Variants in KMT5B observed in about 807,000 individuals in gnomAD.
KMT5B encodes histone-lysine N-methyltransferase KMT5B.
KMT5B carries 10 observed loss-of-function variants against 83.2 expected under a neutral mutation model. The observed-to-expected ratio is 0.12, with a 90% confidence interval of 0.07 to 0.20. The LOEUF is 0.20. KMT5B is among the 10% of genes least tolerant of loss of function. The pLI is 1.00. For synonymous variants in KMT5B, 349 were observed against 388.8 expected, an observed-to-expected ratio of 0.90 and a Z score of 1.20; for missense variants, 753 against 1,067.2, an observed-to-expected ratio of 0.71 and a Z score of 4.10.
chr11:68,179,908 C>T (rs1856752175), intron 4 of KMT5B: 1 of 521,652 alleles, frequency 1.9e-6, no homozygotes, highest in Admixed American at 3.3e-5. Context: ...GGAGTGACTC[C>T]TGATCTTTTG....
At chr11:68,168,138 A>G (rs1855496228) in intron 9 of KMT5B, among the ~76,000 whole-genome samples, 2 of 152,180 alleles carry the variant, frequency 1.3e-5, no homozygotes, top group South Asian at 4.1e-4. Context: ...ATCGAAACTT[A>G]CACAGAGCAA....
chr11:68,165,700 C>T, intron 10 of KMT5B: 1 of 1,359,504 alleles, frequency 7.4e-7, no homozygotes, highest in Non-Finnish European at 9.5e-7. Flanking sequence ...ACCAAGGAAC[C>T]AGACTCAGAA....
intron 1 of KMT5B, among the ~76,000 whole-genome samples, chr11:68,207,733 G>A (rs1238331915): frequency 6.7e-6 from 1 of 149,422 alleles, no homozygotes; most frequent in Admixed American, 6.6e-5. Context: ...AGAGGTTGTG[G>A]TGAACCAAGA....
chr11:68,158,954 C>A lies in KMT5B; in HGVS notation c.1392G>T (p.Lys464Asn), dbSNP rs766592580. 6.2e-7 allele frequency: 1 copy of A among 1,613,440 alleles called. No individual in the cohort carries two copies. The highest frequency in any genetic ancestry group is 1.1e-5 in the South Asian group (1 of 90,864). The change falls in exon 11 of 11, where the codon AAG (lysine) becomes AAT (asparagine). Residue 464 changes from lysine (K) to asparagine (N), a missense_variant. Lys to Asn is a moderately conservative substitution (Grantham distance 94, BLOSUM62 0). This residue lies in a region of KMT5B where 397 missense variants were observed against 395.9 expected (regional missense o/e 1.00). Transcript: ENST00000304363. The part of the protein sequence containing the change: ...LRNHCKRLEQ[K>N]NASRKLEMGN... ...CCATTTCGAGTTTTCTTGAAGCATTCTTTTGCTCCAGCCGCTTGCAATGAT... is the reference window on the plus strand; with the variant it reads ...CCATTTCGAGTTTTCTTGAAGCATTATTTTGCTCCAGCCGCTTGCAATGAT...
chr11:68,206,271 T>C (rs1273940905), intron 1 of KMT5B, among the ~76,000 whole-genome samples: 3 of 152,212 alleles, frequency 2.0e-5, no homozygotes, highest in East Asian at 1.9e-4. Flanking sequence ...CTGTTTTCTC[T>C]AGGACTCAAA....
intron 1 of KMT5B, among the ~76,000 whole-genome samples, chr11:68,207,898 G>C (rs1201158400): frequency 1.3e-5 from 2 of 150,566 alleles, no homozygotes; most frequent in African/African-American, 4.9e-5. Flanking sequence ...GGAGTGCAGT[G>C]GCACGATCTC....
At chr11:68,172,864 C>T (rs58463157) in intron 6 of KMT5B, among the ~76,000 whole-genome samples, 2,572 of 152,212 alleles carry the variant, frequency 0.017, 73 homozygotes, top group African/African-American at 0.058. Context: ...GTTCTTTTAC[C>T]TATCCATTTT....
rs910154305 is a variant in KMT5B at position 68,183,689 on chromosome 11, TCA to T, written c.308+2090_308+2091del. Among the ~76,000 whole-genome samples the T allele has an allele frequency of 4.3e-4, 56 of 130,398 alleles. No individual in the cohort carries two copies. In the Middle Eastern group the frequency reaches 0.024, roughly 56 times the overall value. 85.5% of individuals were successfully genotyped at this position (130,398 alleles called of 152,430 possible). On this transcript the variant is annotated intron_variant, in intron 3 of 10. Coordinates refer to ENST00000304363, the MANE Select transcript of KMT5B (RefSeq NM_017635.5). The stretch of plus-strand genomic sequence containing the variant: ...TCTTTTTTTTTTTTTTGAGGCAGTC[TCA>T]CTTTGTTACCCAGGCTGGAGTGCAG...
At chr11:68,159,536 A>G (rs1854673447) in intron 10 of KMT5B, among the ~76,000 whole-genome samples, 1 of 152,154 alleles carries the variant, frequency 6.6e-6, no homozygotes, top group Non-Finnish European at 1.5e-5. Flanking sequence ...GAAAGTTAAC[A>G]TGGTTTTTTC....
intron 10 of KMT5B, among the ~76,000 whole-genome samples, chr11:68,165,561 T>C (rs1394872663): frequency 6.6e-6 from 1 of 150,932 alleles, no homozygotes; most frequent in Non-Finnish European, 1.5e-5. Flanking sequence ...GTCTCAAAAC[T>C]CCTAGGCTCA....
intron 10 of KMT5B, among the ~76,000 whole-genome samples, chr11:68,162,937 C>G (rs1854988225): frequency 6.6e-6 from 1 of 152,208 alleles, no homozygotes; most frequent in Admixed American, 6.5e-5. Context: ...GAGTCCTTCA[C>G]TGTCCAAAGA....
At chr11:68,195,484 T>C (rs1393594755) in intron 1 of KMT5B, among the ~76,000 whole-genome samples, 1 of 152,218 alleles carries the variant, frequency 6.6e-6, no homozygotes, top group Non-Finnish European at 1.5e-5. Context: ...TGTTACATAG[T>C]TGCAAGTCAC....
chr11:68,209,369 A>T (rs1388857090), intron 1 of KMT5B, among the ~76,000 whole-genome samples: 1 of 152,192 alleles, frequency 6.6e-6, no homozygotes, highest in African/African-American at 2.4e-5. Context: ...CTTTCAGGAA[A>T]ATCAGTCGTT....
chr11:68,182,307 G>A (rs1722183024), intron 3 of KMT5B, among the ~76,000 whole-genome samples: 2 of 152,176 alleles, frequency 1.3e-5, no homozygotes, highest in Admixed American at 6.5e-5. Flanking sequence ...TATTCCAAGT[G>A]TAGTCTGGGA....
intron 1 of KMT5B, among the ~76,000 whole-genome samples, chr11:68,206,760 T>C (rs1268326598): frequency 6.6e-6 from 1 of 151,824 alleles, no homozygotes; most frequent in Middle Eastern, 3.4e-3. Context: ...TTTAATCAAG[T>C]AGAAATTTCC....
Position 68,208,370 on chromosome 11 carries a change from C to T in KMT5B, c.-77+4768G>A, listed in dbSNP as rs541535454. ...GCTGAGGCAGGAGAATTGCATGAACCGGGACCTGGGAGGTGGAGGTTGCAA... is the reference window on the plus strand; with the variant it reads ...GCTGAGGCAGGAGAATTGCATGAACTGGGACCTGGGAGGTGGAGGTTGCAA... On this transcript the variant is annotated intron_variant, in intron 1 of 10. Coordinates refer to ENST00000304363, the MANE Select transcript of KMT5B (RefSeq NM_017635.5). Among the ~76,000 whole-genome samples the T allele has an allele frequency of 7.3e-5, 11 of 151,406 alleles. 1 individual carries two copies. The highest frequency in any genetic ancestry group is 4.2e-4 in the South Asian group (2 of 4,712).
At position 68,158,922 on chromosome 11, in the gene KMT5B, A is replaced by G. The variant is rs1217025667; in HGVS notation, c.1424T>C (p.Leu475Ser). 2 of 1,613,730 alleles carry G rather than the reference A, an allele frequency of 1.2e-6. No individual in the cohort carries two copies. Among genetic ancestry groups the G allele is most frequent in the African/African-American group, 2.7e-5 (2 of 74,842 alleles). ...AACTACTTTAGGCTCTTTCAGTACT[A>G]AGTTTCCCATTTCGAGTTTTCTTGA... ...NASRKLEMGN[L>S]VLKEPKVVLY... is the part of the protein sequence containing the mutation. The change falls in exon 11 of 11, where the codon TTA becomes TCA. Residue 475 changes from leucine (L) to serine (S), a missense_variant. Physicochemically the swap from Leu to Ser is moderately radical, Grantham distance 145. Transcript: ENST00000304363.
chr11:68,187,633 C>T (rs1299205414), intron 2 of KMT5B, among the ~76,000 whole-genome samples: 1 of 152,180 alleles, frequency 6.6e-6, no homozygotes, highest in Non-Finnish European at 1.5e-5. Flanking sequence ...TGCACTTGCA[C>T]TTGAGATGAA....
rs1391973812 is a variant in KMT5B, at chr11:68,157,221, C to CT, written c.*466dup. The stretch of plus-strand genomic sequence containing the variant: ...TGACAAAACTCCAAGGGGGAAACAT[C>CT]TAGCAAATAAATCAAAAAGCCAAAG... On this transcript the variant is annotated 3_prime_UTR_variant, in exon 11 of 11. Coordinates refer to ENST00000304363, the MANE Select transcript of KMT5B (RefSeq NM_017635.5). 1 of 152,704 alleles carries CT rather than the reference C, an allele frequency of 6.5e-6. No homozygotes were observed. The highest frequency in any genetic ancestry group is 1.5e-5 in the Non-Finnish European group (1 of 68,150). The allele number at this position is 152,704 out of a possible 1,614,324, so 9.5% of individuals were successfully genotyped here. A position where few individuals can be genotyped will look rare whatever the true frequency, so the allele number is the denominator to read the frequency against.
Sources: allele counts gnomAD v4.1 joint callset (sites outside exome capture counted in the v4.1 genomes callset), GRCh38; gene constraint gnomAD v4.1.1; regional missense constraint gnomAD v4.1.1; transcripts MANE v1.5; gene names NCBI Gene and HGNC (gene_info 2026-07-23, HGNC 2026-07-21).